IL16: variants seen among roughly 807,000 people sequenced by gnomAD.
The protein encoded by IL16 is interleukin 16, also known as pro-interleukin-16.
In IL16, 67 loss-of-function variants were observed where a neutral mutation model predicts 110.1. That is an observed-to-expected ratio of 0.61 (90% CI 0.50 to 0.75). IL16 has a LOEUF of 0.75. Ranked by LOEUF, IL16 falls within the 30% of genes least tolerant of loss-of-function variation. IL16 has a pLI of 0.00. For missense variants in IL16, 1,545 were observed against 1,655.0 expected, an observed-to-expected ratio of 0.93 and a Z score of 1.15; for synonymous variants, 689 against 662.9, an observed-to-expected ratio of 1.04 and a Z score of -0.61.
chr15:81,239,866 G>T (rs1486404401), intron 2 of IL16, among the ~76,000 whole-genome samples: 2 of 152,186 alleles, frequency 1.3e-5, no homozygotes, highest in African/African-American at 4.8e-5. Context: ...GGGGTAGATA[G>T]TAGATAGAAA....
upstream of IL16, among the ~76,000 whole-genome samples, chr15:81,192,135 C>T (rs796670746): frequency 2.6e-5 from 4 of 152,276 alleles, no homozygotes; most frequent in African/African-American, 9.6e-5. Flanking sequence ...AGCTAATAAT[C>T]ATGTATCAGT....
intron 1 of IL16, among the ~76,000 whole-genome samples, chr15:81,216,675 G>GCA (rs1455161967): frequency 8.0e-5 from 12 of 150,874 alleles, no homozygotes; most frequent in African/African-American, 2.2e-4. Flanking sequence ...AGCAGCAGCA[G>GCA]GAGGAGGAAG....
At chr15:81,231,282 G>A (rs1595972924) in intron 2 of IL16, among the ~76,000 whole-genome samples, 1 of 148,910 alleles carries the variant, frequency 6.7e-6, no homozygotes, top group Non-Finnish European at 1.5e-5. Flanking sequence ...GAGACCAGAG[G>A]AGAGGAGGGG....
intron 1 of IL16, among the ~76,000 whole-genome samples, chr15:81,198,051 A>C (rs1458263128): frequency 6.6e-6 from 1 of 152,058 alleles, no homozygotes; most frequent in Non-Finnish European, 1.5e-5. Flanking sequence ...CTTTACCCTG[A>C]AGTTAAGTGA....
At chr15:81,187,544 A>G (rs1248328758) in intron 1 of IL16, among the ~76,000 whole-genome samples, 1 of 140,396 alleles carries the variant, frequency 7.1e-6, no homozygotes, top group Non-Finnish European at 1.6e-5. Flanking sequence ...GCAGTGAACT[A>G]TGATTGTATC....
Position 81,197,141 on chromosome 15 carries a change from G to A in IL16, c.-113G>A, listed in dbSNP as rs1056772289. 1.6e-6 allele frequency: 2 copies of A among 1,288,208 alleles called. No homozygotes were observed. 79.8% of individuals were successfully genotyped at this position (1,288,208 alleles called of 1,614,324 possible). On this transcript the variant is annotated 5_prime_UTR_variant, in exon 1 of 19. Transcript: ENST00000683961. ...CCGGGGGACTGTGCATAGGGAGGTA[G>A]GTGGGCACCAGGTGAGTGAATGTCT...
intron 3 of IL16, among the ~76,000 whole-genome samples, chr15:81,261,128 G>A (rs887536139): frequency 6.6e-6 from 1 of 152,104 alleles, no homozygotes; most frequent in Non-Finnish European, 1.5e-5. Flanking sequence ...CTTTTTTACT[G>A]TTTTGTTTTG....
intron 2 of IL16, among the ~76,000 whole-genome samples, chr15:81,234,043 T>C (rs1897102930): frequency 6.6e-6 from 1 of 152,168 alleles, no homozygotes; most frequent in Admixed American, 6.5e-5. Context: ...TTTTGACTAG[T>C]GCTGATTTTT....
intron 2 of IL16, among the ~76,000 whole-genome samples, chr15:81,242,179 G>A (rs1375164438): frequency 8.6e-5 from 13 of 151,810 alleles, no homozygotes; most frequent in South Asian, 2.1e-4. Context: ...GACTGATTCC[G>A]CCCATTTTAT....
intron 18 of IL16, among the ~76,000 whole-genome samples, chr15:81,307,446 G>A (rs766856479): frequency 2.6e-4 from 40 of 152,192 alleles, no homozygotes; most frequent in African/African-American, 5.1e-4. Flanking sequence ...GACTGGTTTC[G>A]TTAGAGGAAG....
At chr15:81,265,407 C>T (rs1190694901) in intron 3 of IL16, among the ~76,000 whole-genome samples, 1 of 152,164 alleles carries the variant, frequency 6.6e-6, no homozygotes, top group Non-Finnish European at 1.5e-5. Flanking sequence ...ACTCTTGTTG[C>T]ATTGAATGGA....
chr15:81,196,294 C>A (rs377028035), upstream of IL16, among the ~76,000 whole-genome samples: 2 of 152,286 alleles, frequency 1.3e-5, no homozygotes, highest in South Asian at 2.1e-4. Context: ...TTCCACGGCA[C>A]GTAGTAGGTG....
intron 2 of IL16, among the ~76,000 whole-genome samples, chr15:81,256,705 G>A (rs1050480308): frequency 1.3e-5 from 2 of 152,034 alleles, no homozygotes; most frequent in Non-Finnish European, 1.5e-5. Context: ...ACTTATTTAC[G>A]CTCATGCAGC....
chr15:81,211,843 T>A (rs977868871), intron 1 of IL16, among the ~76,000 whole-genome samples: 4 of 152,228 alleles, frequency 2.6e-5, no homozygotes, highest in African/African-American at 4.8e-5. Context: ...TGAACCAATC[T>A]TGCATCCTAG....
At chr15:81,258,769 C>CTATA (rs201558293) in intron 2 of IL16, among the ~76,000 whole-genome samples, 15 of 148,100 alleles carry the variant, frequency 1.0e-4, no homozygotes, top group Middle Eastern at 3.5e-3. Context: ...CTCTCTCTCT[C>CTATA]TCTCTATATA....
chr15:81,268,490 A>G (rs79826925), intron 4 of IL16, among the ~76,000 whole-genome samples: 1,811 of 152,370 alleles, frequency 0.012, 42 homozygotes, highest in African/African-American at 0.042. Context: ...GGCAGCTCAG[A>G]GCCCATGCCC....
intron 13 of IL16, 73 bp downstream of exon 13, chr15:81,297,151 A>G (rs766119915): frequency 6.8e-7 from 1 of 1,466,796 alleles, no homozygotes; most frequent in Non-Finnish European, 9.3e-7. Context: ...TAAGAGCACA[A>G]ATTGGCCTGA....
Position 81,308,898 on chromosome 15 carries a change from G to GC in IL16, c.*100_*101insC. 2 of 1,077,318 alleles carry GC rather than the reference G, an allele frequency of 1.9e-6. No individual in the cohort carries two copies. The highest frequency in any genetic ancestry group is 2.7e-6 in the Non-Finnish European group (2 of 752,958). The allele number at this position is 1,077,318 out of a possible 1,614,324, so 66.7% of individuals were successfully genotyped here. ...TCTGCTGCCGCCCCACCCAGATGGGGGAAAGCACAGGTGGGCTTCCCAGTG... is the reference window on the plus strand; with the variant it reads ...TCTGCTGCCGCCCCACCCAGATGGGGCGAAAGCACAGGTGGGCTTCCCAGTG... On this transcript the variant is annotated 3_prime_UTR_variant, in exon 19 of 19. Transcript: ENST00000683961.
chr15:81,192,170 T>C (rs1490678159), upstream of IL16, among the ~76,000 whole-genome samples: 1 of 152,192 alleles, frequency 6.6e-6, no homozygotes, highest in Non-Finnish European at 1.5e-5. Context: ...TGTAAAAAGG[T>C]ACCACGCCAA....
Sources: allele counts gnomAD v4.1 joint callset (sites outside exome capture counted in the v4.1 genomes callset), GRCh38; gene constraint gnomAD v4.1.1; transcripts MANE v1.5; gene names NCBI Gene and HGNC (gene_info 2026-07-23, HGNC 2026-07-21).